The following ATP6V1C1 variants were observed in gnomAD, a reference collection of about 807,000 sequenced individuals.
ATP6V1C1 encodes the protein V-type proton ATPase subunit C 1.
A neutral mutation model predicts 53.9 loss-of-function variants in ATP6V1C1; 45 were observed. The ratio of observed to expected loss-of-function variants is 0.83; its 90% CI spans 0.66 to 1.07. The LOEUF is 1.07. Ranked by LOEUF, ATP6V1C1 falls within the 50% of genes least tolerant of loss-of-function variation. ATP6V1C1 has a pLI of 0.00. For missense variants in ATP6V1C1, 315 were observed against 440.3 expected, an observed-to-expected ratio of 0.72 and a Z score of 2.55; for synonymous variants, 153 against 155.2, an observed-to-expected ratio of 0.99 and a Z score of 0.11.
chr8:103,056,126 T>C (rs1817285435), intron 8 of ATP6V1C1, among the ~76,000 whole-genome samples, 190 bp downstream of exon 8: 1 of 152,192 alleles, frequency 6.6e-6, no homozygotes, highest in South Asian at 2.1e-4. Flanking sequence ...CAACCTCCTG[T>C]TTATAGACTT....
chr8:103,058,484 G>C lies in ATP6V1C1; in HGVS notation c.641+2548G>C, dbSNP rs72669347. Among the ~76,000 whole-genome samples the C allele has an allele frequency of 2.3e-3, 356 of 152,308 alleles. 3 individuals are homozygous for C. The highest frequency in any genetic ancestry group is 4.2e-3 in the Non-Finnish European group (283 of 68,020). ...GGAATATTGTCTGCCATTTAGGAAA[G>C]ATCTCTATGACCTGATGCTGAATTT... On this transcript the variant is annotated intron_variant, in intron 8 of 12. Transcript: ENST00000518738.
intron 7 of ATP6V1C1, among the ~76,000 whole-genome samples, chr8:103,054,672 A>G (rs1563607614): frequency 6.6e-6 from 1 of 152,104 alleles, no homozygotes; most frequent in Admixed American, 6.6e-5. Flanking sequence ...GTTAATCTTA[A>G]ATGAAATGAA....
chr8:103,028,645 A>G (rs941275763), intron 1 of ATP6V1C1, among the ~76,000 whole-genome samples: 2 of 152,218 alleles, frequency 1.3e-5, no homozygotes, highest in East Asian at 1.9e-4. Context: ...TTGTAATCCA[A>G]TCCTCTCATT....
rs770247131 is a variant in ATP6V1C1 at position 103,063,058 on chromosome 8, TG to T, written c.734+12del. 1 of 1,613,544 alleles carries T rather than the reference TG, an allele frequency of 6.2e-7. No individual in the cohort carries two copies. Among genetic ancestry groups the T allele is most frequent in the Non-Finnish European group, 8.5e-7 (1 of 1,179,632 alleles). On this transcript the variant is annotated intron_variant, in intron 9 of 12. Coordinates refer to ENST00000518738, the MANE Select transcript of ATP6V1C1 (RefSeq NM_001695.5). ...AGCCAGAGAAAACAAGTAAGATTAT[TG>T]TTTTTTTGTTTATTTACTTTGTTAG...
rs138768879 is a variant in ATP6V1C1, at chr8:103,035,739, G to A, written c.-39-5059G>A. ...TCCCACTTTACAGATGAGGAAACTAGTAAGGGGGTAGAGTCAGAGTTTTAA... is the reference window on the plus strand; with the variant it reads ...TCCCACTTTACAGATGAGGAAACTAATAAGGGGGTAGAGTCAGAGTTTTAA... On this transcript the variant is annotated intron_variant, in intron 1 of 12. Transcript: ENST00000518738. Among the ~76,000 whole-genome samples, 113 of 152,284 alleles carry A rather than the reference G, an allele frequency of 7.4e-4. 2 individuals carry two copies. The East Asian group carries it at 0.016, about 22-fold the overall frequency.
At chr8:103,038,623 T>C (rs190021435) in intron 1 of ATP6V1C1, among the ~76,000 whole-genome samples, 13 of 152,340 alleles carry the variant, frequency 8.5e-5, no homozygotes, top group African/African-American at 3.1e-4. Flanking sequence ...AAGAAGCAGA[T>C]AATAAATTTT....
chr8:103,051,411 C>G (rs1249046544), intron 5 of ATP6V1C1, among the ~76,000 whole-genome samples: 1 of 152,038 alleles, frequency 6.6e-6, no homozygotes, highest in African/African-American at 2.4e-5. Flanking sequence ...TGTATTTATA[C>G]AAATTTTAAG....
intron 5 of ATP6V1C1, 78 bp downstream of exon 5, chr8:103,051,222 CT>C: frequency 9.1e-7 from 1 of 1,104,272 alleles, no homozygotes; most frequent in Non-Finnish European, 1.3e-6. Context: ...CTATGAAATA[CT>C]TTTTAGGTTT....
intron 1 of ATP6V1C1, among the ~76,000 whole-genome samples, chr8:103,035,521 G>A (rs1490815754): frequency 6.6e-6 from 1 of 152,154 alleles, no homozygotes; most frequent in Non-Finnish European, 1.5e-5. Flanking sequence ...CGTAGTAGGG[G>A]CATTTATAAA....
At chr8:103,047,587 A>G (rs1017461438) in intron 3 of ATP6V1C1, among the ~76,000 whole-genome samples, 2 of 151,872 alleles carry the variant, frequency 1.3e-5, no homozygotes, top group Non-Finnish European at 2.9e-5. Context: ...CGACTGTGTT[A>G]TGTCCCTGTC....
chr8:103,055,343 C>G (rs1259449539), intron 7 of ATP6V1C1, among the ~76,000 whole-genome samples: 1 of 152,104 alleles, frequency 6.6e-6, no homozygotes, highest in Non-Finnish European at 1.5e-5. Context: ...ACGTAGTTGT[C>G]TCTCCCCACA....
At chr8:103,028,313 T>TA (rs1404875623) in intron 1 of ATP6V1C1, among the ~76,000 whole-genome samples, 2 of 152,148 alleles carry the variant, frequency 1.3e-5, no homozygotes, top group Non-Finnish European at 2.9e-5. Flanking sequence ...AATGCGAGGA[T>TA]AAGGCAGAAA....
At position 103,062,976 on chromosome 8, in the gene ATP6V1C1, C is replaced by T. The variant is rs765558527; in HGVS notation, c.663C>T (p.Asp221=). The part of the protein sequence containing the change: ...RSSNVLSEDQ[D]SYLCNVTLFR... ...ATAGTGTTCTTTCAGAGGACCAAGA[C>T]AGTTACCTGTGTAATGTCACCTTGT... The change falls in exon 9 of 13, where the codon GAC becomes GAT. Residue 221 remains aspartate, a synonymous_variant. Transcript: ENST00000518738. 6.2e-7 allele frequency: 1 copy of T among 1,613,362 alleles called. No homozygotes were observed. The highest frequency in any genetic ancestry group is 1.1e-5 in the South Asian group (1 of 91,066).
At chr8:103,033,591 T>C (rs1220777922) in intron 1 of ATP6V1C1, among the ~76,000 whole-genome samples, 1 of 151,970 alleles carries the variant, frequency 6.6e-6, no homozygotes, top group Non-Finnish European at 1.5e-5. Context: ...TAAAAAGTGC[T>C]CCCCCACCCC....
At chr8:103,052,882 A>T in intron 6 of ATP6V1C1, 60 bp downstream of exon 6, 1 of 1,026,128 alleles carries the variant, frequency 9.7e-7, no homozygotes. Context: ...GCATGCACCG[A>T]AGGAGATATT....
chr8:103,021,084 T>G lies in ATP6V1C1; in HGVS notation c.-181T>G, dbSNP rs1000451785. 6.5e-6 allele frequency: 1 copy of G among 152,856 alleles called. No homozygotes were observed. Among genetic ancestry groups the G allele is most frequent in the South Asian group, 2.1e-4 (1 of 4,842 alleles). The allele number at this position is 152,856 out of a possible 1,614,324, so 9.5% of individuals were successfully genotyped here. A position where few individuals can be genotyped will look rare whatever the true frequency, so the allele number is the denominator to read the frequency against. ...GACTGCTGGGCTGGCACGTGACTTG[T>G]TCTGTGTTCGCTTGGGTAGAGGAAG... On this transcript the variant is annotated 5_prime_UTR_variant, in exon 1 of 13. Transcript: ENST00000518738.
chr8:103,035,559 T>C (rs1242079785), intron 1 of ATP6V1C1, among the ~76,000 whole-genome samples: 1 of 152,090 alleles, frequency 6.6e-6, no homozygotes, highest in Non-Finnish European at 1.5e-5. Flanking sequence ...ATATTTCTCA[T>C]CTGGGATACG....
At chr8:103,066,803 A>G (rs1817499350) in intron 12 of ATP6V1C1, among the ~76,000 whole-genome samples, 1 of 152,158 alleles carries the variant, frequency 6.6e-6, no homozygotes, top group South Asian at 2.1e-4. Context: ...GGTAGAAGCG[A>G]TAGAGTCAAT....
chr8:103,060,494 A>G (rs1048343526), intron 8 of ATP6V1C1, among the ~76,000 whole-genome samples: 1 of 152,140 alleles, frequency 6.6e-6, no homozygotes, highest in South Asian at 2.1e-4. Context: ...TTACAACTCT[A>G]TATTGCAGTT....
Sources: gnomAD v4.1 joint callset for allele counts (sites outside exome capture counted in the v4.1 genomes callset) on GRCh38, gnomAD v4.1.1 for gene constraint, MANE v1.5 for transcripts, NCBI Gene and HGNC (gene_info 2026-07-23, HGNC 2026-07-21) for gene names.